The following RARB variants were observed in gnomAD, a reference collection of about 807,000 sequenced individuals.
RARB encodes the protein retinoic acid receptor beta.
Under a neutral mutation model 51.9 loss-of-function variants are expected in RARB, and 17 were observed. The ratio of observed to expected loss-of-function variants is 0.33; its 90% confidence interval spans 0.22 to 0.49. RARB has a LOEUF of 0.49. Ranked by LOEUF, RARB falls within the 20% of genes least tolerant of loss-of-function variation. The probability of loss-of-function intolerance (pLI) is 0.99; values close to 1 mark genes in which losing one functional copy is unlikely to be tolerated. For missense variants in RARB, 369 were observed against 550.8 expected, an observed-to-expected ratio of 0.67 and a Z score of 3.30; for synonymous variants, 215 against 195.4, an observed-to-expected ratio of 1.10 and a Z score of -0.84.
At chr3:25,109,898 G>T (rs1175770884) in intron 3 of RARB, among the ~76,000 whole-genome samples, 1 of 152,196 alleles carries the variant, frequency 6.6e-6, no homozygotes, top group South Asian at 2.1e-4. Context: ...AGCCCCACAA[G>T]ATACCCCTGT....
At chr3:25,083,609 C>G (rs189697953) in intron 3 of RARB, among the ~76,000 whole-genome samples, 2 of 152,076 alleles carry the variant, frequency 1.3e-5, no homozygotes, top group South Asian at 2.1e-4. Flanking sequence ...TTCACTAATT[C>G]TAACGTTTCT....
intron 2 of RARB, among the ~76,000 whole-genome samples, chr3:24,981,834 G>C (rs1345395363): frequency 6.6e-6 from 1 of 152,162 alleles, no homozygotes; most frequent in Non-Finnish European, 1.5e-5. Context: ...AGGTACCTCA[G>C]TTGGAAATGC....
chr3:25,073,762 T>C (rs1698817253), intron 3 of RARB, among the ~76,000 whole-genome samples: 1 of 152,108 alleles, frequency 6.6e-6, no homozygotes, highest in South Asian at 2.1e-4. Flanking sequence ...TAAGGATGCC[T>C]GTAAGTGGCT....
chr3:25,196,234 C>T (rs552741406), intron 5 of RARB, among the ~76,000 whole-genome samples: 4 of 152,038 alleles, frequency 2.6e-5, no homozygotes, highest in Admixed American at 6.6e-5. Flanking sequence ...CCTCACCCCA[C>T]AACAGGCCCC....
intron 2 of RARB, among the ~76,000 whole-genome samples, chr3:25,497,407 A>G (rs1045646476): frequency 6.6e-6 from 1 of 152,150 alleles, no homozygotes; most frequent in Non-Finnish European, 1.5e-5. Context: ...CTCTTTCCTT[A>G]GTCTGCAAAT....
intron 2 of RARB, among the ~76,000 whole-genome samples, chr3:24,995,361 G>A (rs1210796738): frequency 6.6e-6 from 1 of 151,410 alleles, no homozygotes; most frequent in Non-Finnish European, 1.5e-5. Flanking sequence ...TCAGTTCTAA[G>A]AGTTTTTGGT....
chr3:25,592,892 G>T (rs529047088), intron 5 of RARB, among the ~76,000 whole-genome samples: 10 of 152,312 alleles, frequency 6.6e-5, no homozygotes, highest in African/African-American at 2.4e-4. Flanking sequence ...ACAGCTGCCT[G>T]TGTAACCGTG....
rs1286440466 is a variant in RARB, at chr3:25,428,380, G to A, written c.-352G>A. The A allele has an allele frequency of 1.6e-6, 2 of 1,248,280 alleles. No individual in the cohort carries two copies. The highest frequency in any genetic ancestry group is 3.1e-5 in the African/African-American group (2 of 64,904). 77.3% of individuals were successfully genotyped at this position (1,248,280 alleles called of 1,614,324 possible). A position where few individuals can be genotyped will look rare whatever the true frequency, so the allele number is the denominator to read the frequency against. ...GAGGACTGGGATGCCGAGAACGCGA[G>A]CGATCCGAGCAGGGTTTGTCTGGGC... On this transcript the variant is annotated 5_prime_UTR_variant, in exon 1 of 8. Transcript: ENST00000330688.
rs1700643094 is a variant in RARB at position 25,171,443 on chromosome 3, T to G, written c.-279-2676T>G. 4.8e-5 allele frequency among the ~76,000 whole-genome samples: 6 copies of G among 125,586 alleles called. No homozygotes were observed. In the South Asian group the frequency reaches 1.6e-3, roughly 34 times the overall value. The allele number at this position is 125,586 out of a possible 152,430, so 82.4% of individuals were successfully genotyped here. On this transcript the variant is annotated intron_variant, in intron 4 of 11. Transcript: ENST00000383772. The stretch of plus-strand genomic sequence containing the variant: ...TCGGGATTTTCTCGACACATTGATT[T>G]TTTTTTTTTTTTTTTTTTGCCTATT...
intron 2 of RARB, among the ~76,000 whole-genome samples, chr3:25,047,888 C>T (rs1399880523): frequency 6.6e-6 from 1 of 152,092 alleles, no homozygotes; most frequent in Non-Finnish European, 1.5e-5. Flanking sequence ...ATAATCCCCA[C>T]CTGTAAAGGG....
intron 1 of RARB, among the ~76,000 whole-genome samples, chr3:25,459,536 C>T (rs1695069293): frequency 6.6e-6 from 1 of 152,152 alleles, no homozygotes; most frequent in South Asian, 2.1e-4. Flanking sequence ...ACTATCTTGA[C>T]TGCTTGTTTG....
intron 5 of RARB, among the ~76,000 whole-genome samples, chr3:25,296,809 G>T (rs934130001): frequency 1.3e-5 from 2 of 152,170 alleles, no homozygotes; most frequent in South Asian, 2.1e-4. Flanking sequence ...TCACCTGCCT[G>T]AATCCATAAT....
intron 3 of RARB, among the ~76,000 whole-genome samples, chr3:25,107,388 T>G (rs918311963): frequency 6.6e-6 from 1 of 152,246 alleles, no homozygotes; most frequent in Non-Finnish European, 1.5e-5. Flanking sequence ...CTTTCATTAA[T>G]AAATCTATGT....
At chr3:24,921,869 C>T (rs1458288090) in intron 2 of RARB, among the ~76,000 whole-genome samples, 1 of 152,214 alleles carries the variant, frequency 6.6e-6, no homozygotes, top group Admixed American at 6.5e-5. Context: ...ATACATTTCA[C>T]ATACCCTGAT....
intron 2 of RARB, among the ~76,000 whole-genome samples, chr3:25,494,253 G>GCGCGCGCACTCACACACA (rs1553623183): frequency 2.2e-4 from 29 of 131,968 alleles, no homozygotes; most frequent in African/African-American, 7.0e-4. Flanking sequence ...TGTATCTTAC[G>GCGCGCGCACTCACACACA]CACACACACA....
chr3:25,409,375 T>G (rs552454044), intron 5 of RARB, among the ~76,000 whole-genome samples: 9 of 152,268 alleles, frequency 5.9e-5, no homozygotes, highest in South Asian at 4.1e-4. Context: ...TGCCATCATC[T>G]GCTGGGGTTG....
chr3:25,515,148 C>G (rs192821213), intron 3 of RARB, among the ~76,000 whole-genome samples: 1 of 152,224 alleles, frequency 6.6e-6, no homozygotes, highest in African/African-American at 2.4e-5. Flanking sequence ...GTGCAAAGCC[C>G]CATTTTGTTT....
chr3:25,258,274 T>G (rs577885875), intron 5 of RARB, among the ~76,000 whole-genome samples: 3 of 152,120 alleles, frequency 2.0e-5, no homozygotes, highest in Admixed American at 2.0e-4. Context: ...TTTAAAGGAA[T>G]GGTAAACTTA....
chr3:25,259,605 A>T (rs1702949034), intron 5 of RARB, among the ~76,000 whole-genome samples: 1 of 152,330 alleles, frequency 6.6e-6, no homozygotes, highest in South Asian at 2.1e-4. Flanking sequence ...ATGAGCAAAA[A>T]GTAAACTTCC....
Sources: allele counts gnomAD v4.1 joint callset (sites outside exome capture counted in the v4.1 genomes callset), GRCh38; gene constraint gnomAD v4.1.1; transcripts MANE v1.5; gene names NCBI Gene and HGNC (gene_info 2026-07-23, HGNC 2026-07-21).